Variants in MMACHC observed in about 807,000 individuals in gnomAD.
MMACHC encodes the protein cyanocobalamin reductase / alkylcobalamin dealkylase.
In MMACHC, 14 loss-of-function variants were observed where a neutral mutation model predicts 17.6. The observed-to-expected ratio is 0.80, with a 90% CI of 0.53 to 1.25. The LOEUF (loss-of-function observed/expected upper bound fraction) is 1.25. MMACHC is among the 50% of genes most tolerant of loss of function. MMACHC has a pLI of 0.00. For synonymous variants in MMACHC, 151 were observed against 142.1 expected (o/e 1.06, Z -0.45); for missense variants, 392 against 364.5 (o/e 1.08, Z -0.62).
chr1:45,504,072 G>A (rs573837088), intron 1 of MMACHC, among the ~76,000 whole-genome samples: 2 of 152,290 alleles, frequency 1.3e-5, no homozygotes, highest in African/African-American at 4.8e-5. Context: ...TGAAAATAAA[G>A]TTTGCATTAA....
At chr1:45,505,653 C>T (rs1643609890) in intron 1 of MMACHC, among the ~76,000 whole-genome samples, 1 of 151,782 alleles carries the variant, frequency 6.6e-6, no homozygotes, top group South Asian at 2.1e-4. Context: ...CCTGTAATCT[C>T]AGCACTTTGG....
chr1:45,500,553 G>C, intron 1 of MMACHC, 140 bp downstream of exon 1: 1 of 840,720 alleles, frequency 1.2e-6, no homozygotes, highest in Non-Finnish European at 2.0e-6. Flanking sequence ...GAGTTTCAGT[G>C]GGGGCTTGGG....
At chr1:45,508,135 A>G (rs564095067) in intron 2 of MMACHC, 77 bp from the exon 3 acceptor site, 1 of 1,567,270 alleles carries the variant, frequency 6.4e-7, no homozygotes, top group Admixed American at 1.7e-5. Flanking sequence ...CACACACAAA[A>G]CAAACTAGGG....
chr1:45,503,067 G>A (rs1643569880), intron 1 of MMACHC, among the ~76,000 whole-genome samples: 1 of 152,010 alleles, frequency 6.6e-6, no homozygotes, highest in African/African-American at 2.4e-5. Flanking sequence ...ACTAGCTATA[G>A]TACAGTCATT....
At chr1:45,506,083 A>T (rs1643616537) in intron 1 of MMACHC, among the ~76,000 whole-genome samples, 1 of 152,156 alleles carries the variant, frequency 6.6e-6, no homozygotes. Flanking sequence ...GCTGCCACTG[A>T]TAGTTTCCCC....
chr1:45,507,145 G>A lies in MMACHC; in HGVS notation c.82-211G>A, dbSNP rs576716157. Among the ~76,000 whole-genome samples, 3 of 152,256 alleles carry A rather than the reference G, an allele frequency of 2.0e-5. No homozygotes were observed. The East Asian group carries it at 5.8e-4, about 30-fold the overall frequency. On this transcript the variant is annotated intron_variant, in intron 1 of 3. Transcript: ENST00000401061. ...CATGCCACTGCACTCCAGCCTGGGT[G>A]ACAGAGCAAGACTCTGTCTCAAAAA... is the stretch of plus-strand genomic sequence containing the variant.
In MMACHC at chr1:45,509,435, A is replaced by G; in HGVS notation, c.*220A>G. 1 of 282,350 alleles carries G rather than the reference A, an allele frequency of 3.5e-6. No individual in the cohort carries two copies. The highest frequency in any genetic ancestry group is 5.7e-6 in the Non-Finnish European group (1 of 175,854). The allele number at this position is 282,350 out of a possible 1,614,324, so 17.5% of individuals were successfully genotyped here. A position where few individuals can be genotyped will look rare whatever the true frequency, so the allele number is the denominator to read the frequency against. On this transcript the variant is annotated 3_prime_UTR_variant, in exon 4 of 4. Transcript: ENST00000401061. The stretch of plus-strand genomic sequence containing the variant: ...AAATGAGTTTTTTTTTTTTTTTTAG[A>G]CAGAGTCTTACTCTGTCACCTAGGC...
chr1:45,508,411 C>T (rs1307645476), intron 3 of MMACHC, 47 bp downstream of exon 3: 3 of 1,600,248 alleles, frequency 1.9e-6, no homozygotes, highest in Non-Finnish European at 2.6e-6. Flanking sequence ...TGGTAAAGGC[C>T]TCTCCCTACC....
chr1:45,501,071 G>T (rs939694882), intron 1 of MMACHC, among the ~76,000 whole-genome samples: 1 of 152,092 alleles, frequency 6.6e-6, no homozygotes, highest in African/African-American at 2.4e-5. Context: ...AGCCTAGAAG[G>T]TTTGCATAGC....
At position 45,511,111 on chromosome 1, in the gene MMACHC, T is replaced by C; in HGVS notation, c.*1896T>C. 4.4e-6 allele frequency: 2 copies of C among 451,620 alleles called. No homozygotes were observed. Among genetic ancestry groups the C allele is most frequent in the African/African-American group, 2.0e-5 (1 of 50,110 alleles). The allele number at this position is 451,620 out of a possible 1,614,324, so 28.0% of individuals were successfully genotyped here. A position where few individuals can be genotyped will look rare whatever the true frequency, so the allele number is the denominator to read the frequency against. ...AATGGGTTGCTCTACTAATACATCA[T>C]ACAAACCAGTAGCCTGCCCACAACG... On this transcript the variant is annotated 3_prime_UTR_variant, in exon 4 of 4. Transcript: ENST00000401061.
rs1374712836 is a variant in MMACHC at position 45,511,499 on chromosome 1, T to G, written c.*2284T>G. On this transcript the variant is annotated 3_prime_UTR_variant, in exon 4 of 4. Coordinates refer to ENST00000401061, the MANE Select transcript of MMACHC (RefSeq NM_015506.3). ...CTATGGACAAAACCAGTTCTGCACC[T>G]GAACACTCAGATACCAGGAAACCTA... is the stretch of plus-strand genomic sequence containing the variant. 1.5e-5 allele frequency: 17 copies of G among 1,101,932 alleles called. No individual in the cohort carries two copies. The highest frequency in any genetic ancestry group is 1.9e-5 in the Non-Finnish European group (14 of 749,272). 68.3% of individuals were successfully genotyped at this position (1,101,932 alleles called of 1,614,324 possible). A position where few individuals can be genotyped will look rare whatever the true frequency, so the allele number is the denominator to read the frequency against.
At chr1:45,507,305 G>A (rs759603051) in intron 1 of MMACHC, 51 bp from the exon 2 acceptor site, 5 of 1,578,994 alleles carry the variant, frequency 3.2e-6, no homozygotes, top group Non-Finnish European at 4.3e-6. Flanking sequence ...TGTGGGCCAG[G>A]CTGAGGCCTA....
chr1:45,503,466 C>T (rs1479190798), intron 1 of MMACHC, among the ~76,000 whole-genome samples: 2 of 136,480 alleles, frequency 1.5e-5, no homozygotes, highest in Admixed American at 1.5e-4. Flanking sequence ...GATGGAGTCT[C>T]ACTCTGTTGC....
intron 2 of MMACHC, 36 bp from the exon 3 acceptor site, chr1:45,508,176 T>G (rs1231410596): frequency 2.5e-6 from 4 of 1,612,346 alleles, no homozygotes; most frequent in Non-Finnish European, 3.4e-6. Context: ...ACTCCCCTCA[T>G]GCTGACAGTA....
Position 45,507,555 on chromosome 1 carries a change from G to A in MMACHC, c.276+5G>A, listed in dbSNP as rs1015698645. The A allele has an allele frequency of 9.9e-6, 16 of 1,614,024 alleles. No homozygotes were observed. The highest frequency in any genetic ancestry group is 6.7e-5 in the East Asian group (3 of 44,894). ...CATCTGGGCCGTGTTAGAGAGGTGAGGAAGGCTCAGTTTTCCCCCAGCTCC... is the reference window on the plus strand; with the variant it reads ...CATCTGGGCCGTGTTAGAGAGGTGAAGAAGGCTCAGTTTTCCCCCAGCTCC... On this transcript the variant is annotated splice_donor_5th_base_variant and intron_variant, in intron 2 of 3. Transcript: ENST00000401061.
intron 1 of MMACHC, among the ~76,000 whole-genome samples, chr1:45,506,479 T>A (rs1478900579): frequency 6.6e-6 from 1 of 152,054 alleles, no homozygotes; most frequent in East Asian, 1.9e-4. Context: ...TTTTTAATTT[T>A]CTTTTATTAT....
Position 45,507,607 on chromosome 1 carries a change from CCA to C in MMACHC, c.276+61_276+62del, listed in dbSNP as rs1570830283. 4 of 1,579,208 alleles carry C rather than the reference CCA, an allele frequency of 2.5e-6. No homozygotes were observed. The East Asian group carries it at 9.0e-5, about 35-fold the overall frequency. Reference sequence around the variant, plus strand: ...AAACCTACAGCTGCCTCCAGTTCCTCCACACTCAATGCAGGATCTAGACCTAG... The same window carrying C: ...AAACCTACAGCTGCCTCCAGTTCCTCCACTCAATGCAGGATCTAGACCTAG... On this transcript the variant is annotated intron_variant, in intron 2 of 3. Transcript: ENST00000401061.
rs771203889 is a variant in MMACHC, at chr1:45,509,128, A to G, written c.762A>G (p.Thr254=). Residue 254 remains threonine (T), a synonymous_variant, in exon 4 of 4, where the codon ACA becomes ACG. Transcript: ENST00000401061. ...CCTCCCCGGACCTTCCCTTTACCAC[A>G]CCCGCCCCCAAGAAGCCTGGGAATC... ...SSPSPDLPFT[T]PAPKKPGNPS... 3 of 1,610,814 alleles carry G rather than the reference A, an allele frequency of 1.9e-6. No homozygotes were observed. Among genetic ancestry groups the G allele is most frequent in the Non-Finnish European group, 2.5e-6 (3 of 1,178,974 alleles).
In MMACHC at chr1:45,508,932, G is replaced by A. The variant is rs761221416; in HGVS notation, c.566G>A (p.Arg189His). 28 of 1,614,168 alleles carry A rather than the reference G, an allele frequency of 1.7e-5. No homozygotes were observed. The South Asian group carries it at 1.8e-4, about 10-fold the overall frequency. Reference sequence around the variant, plus strand: ...GACTGTGTACCTACAAGAGCTGACCGTATCGCCCTACTCGAAGGCTTCAAT... The same window carrying A: ...GACTGTGTACCTACAAGAGCTGACCATATCGCCCTACTCGAAGGCTTCAAT... ...PHDCVPTRAD[R>H]IALLEGFNFH... Residue 189 changes from arginine (R) to histidine (H), a missense_variant, in exon 4 of 4, where the codon CGT (arginine) becomes CAT (histidine). Transcript: ENST00000401061.
Sources: gnomAD v4.1 joint callset for allele counts (sites outside exome capture counted in the v4.1 genomes callset) on GRCh38, gnomAD v4.1.1 for gene constraint, MANE v1.5 for transcripts, NCBI Gene and HGNC (gene_info 2026-07-23, HGNC 2026-07-21) for gene names.